The following PGM2 variants were observed in gnomAD, a reference collection of about 807,000 sequenced individuals.
The protein encoded by PGM2 is phosphopentomutase.
In PGM2, 57 loss-of-function variants were observed where a neutral mutation model predicts 74.6. The ratio of observed to expected loss-of-function variants is 0.76; its 90% confidence interval spans 0.62 to 0.95. The LOEUF is 0.95. Ranked by LOEUF, PGM2 falls within the 40% of genes least tolerant of loss-of-function variation. PGM2 has a pLI of 0.00. For synonymous variants in PGM2, 273 were observed against 260.7 expected (o/e 1.05, Z -0.46); for missense variants, 706 against 741.9 (o/e 0.95, Z 0.56).
intron 2 of PGM2, among the ~76,000 whole-genome samples, chr4:37,833,856 A>G (rs907369738): frequency 2.6e-5 from 4 of 152,116 alleles, no homozygotes; most frequent in African/African-American, 9.7e-5. Context: ...AAATTAAGGA[A>G]CTTGTCATTT....
intron 6 of PGM2, among the ~76,000 whole-genome samples, chr4:37,843,178 A>G (rs986200033): frequency 3.9e-5 from 6 of 152,160 alleles, no homozygotes; most frequent in Non-Finnish European, 8.8e-5. Context: ...CCCATTTCAA[A>G]TTAGATCAAC....
chr4:37,854,264 A>G (rs1172030268), intron 12 of PGM2, among the ~76,000 whole-genome samples: 1 of 152,160 alleles, frequency 6.6e-6, no homozygotes, highest in East Asian at 1.9e-4. Context: ...ATATAAATAT[A>G]CCATTTCCTC....
intron 2 of PGM2, among the ~76,000 whole-genome samples, chr4:37,831,184 C>T (rs112582278): frequency 0.01 from 890 of 85,940 alleles, 10 homozygotes; most frequent in African/African-American, 0.03. Context: ...CAGAGCAAGA[C>T]TCTGTCTCAA....
intron 10 of PGM2, 128 bp downstream of exon 10, chr4:37,847,423 A>G: frequency 1.5e-6 from 1 of 651,848 alleles, no homozygotes; most frequent in East Asian, 2.7e-5. Context: ...TGAATGTCGA[A>G]CTGTCCTACT....
chr4:37,846,527 T>C (rs578071381), intron 8 of PGM2, among the ~76,000 whole-genome samples: 1 of 152,332 alleles, frequency 6.6e-6, no homozygotes, highest in Non-Finnish European at 1.5e-5. Flanking sequence ...AGCTGTCCCC[T>C]CTCAGAATCA....
rs1454846702 is a variant in PGM2 at position 37,839,829 on chromosome 4, G to GT, written c.442-16dup. On this transcript the variant is annotated intron_variant, in intron 4 of 13. Coordinates refer to ENST00000381967, the MANE Select transcript of PGM2 (RefSeq NM_018290.4). ...TTTTCGTTAAAAACTGTTTGTTCTT[G>GT]TTTCCTGCTATGTTACAGCCCTTCA... 1 of 1,450,928 alleles carries GT rather than the reference G, an allele frequency of 6.9e-7. No individual in the cohort carries two copies. The highest frequency in any genetic ancestry group is 2.3e-5 in the East Asian group (1 of 44,096). 89.9% of individuals were successfully genotyped at this position (1,450,928 alleles called of 1,614,324 possible). A position where few individuals can be genotyped will look rare whatever the true frequency, so the allele number is the denominator to read the frequency against.
chr4:37,842,557 TC>T (rs146847946), intron 6 of PGM2, among the ~76,000 whole-genome samples: 79,973 of 129,140 alleles, frequency 0.62, 21,738 homozygotes, highest in Non-Finnish European at 0.67. Flanking sequence ...TTCTTTTTTT[TC>T]TTTTTTGACT....
intron 13 of PGM2, among the ~76,000 whole-genome samples, chr4:37,857,705 A>G (rs1288509298): frequency 6.6e-6 from 1 of 152,212 alleles, no homozygotes; most frequent in Non-Finnish European, 1.5e-5. Flanking sequence ...TATTTTCACT[A>G]TGGATTCCCA....
chr4:37,856,865 T>A (rs1711534039), intron 13 of PGM2, among the ~76,000 whole-genome samples: 1 of 152,180 alleles, frequency 6.6e-6, no homozygotes, highest in Non-Finnish European at 1.5e-5. Context: ...CAATAATGTA[T>A]TTTACTTAAC....
Position 37,861,002 on chromosome 4 carries a change from A to G in PGM2, c.1737-508A>G, listed in dbSNP as rs572369812. On this transcript the variant is annotated intron_variant, in intron 13 of 13. Coordinates refer to ENST00000381967, the MANE Select transcript of PGM2 (RefSeq NM_018290.4). The stretch of plus-strand genomic sequence containing the variant: ...CCTCAAACCCACCCGGAGGCTCCCT[A>G]TTGCTGTTCATTCTAGGAAGGCTTT... 2.2e-4 allele frequency among the ~76,000 whole-genome samples: 33 copies of G among 152,212 alleles called. No individual in the cohort carries two copies. The South Asian group carries it at 5.0e-3, about 23-fold the overall frequency.
chr4:37,850,109 G>C, intron 11 of PGM2, 75 bp from the exon 12 acceptor site: 2 of 820,716 alleles, frequency 2.4e-6, no homozygotes, highest in Non-Finnish European at 3.9e-6. Context: ...AGAATACACT[G>C]GTTGGTACAT....
chr4:37,832,105 A>G (rs959763935), intron 2 of PGM2, among the ~76,000 whole-genome samples: 6 of 152,186 alleles, frequency 3.9e-5, no homozygotes, highest in South Asian at 4.1e-4. Flanking sequence ...ATAGATGATC[A>G]ATATTCTAAA....
chr4:37,860,982 A>G (rs1177327272), intron 13 of PGM2, among the ~76,000 whole-genome samples: 8 of 152,066 alleles, frequency 5.3e-5, no homozygotes, highest in Non-Finnish European at 1.2e-4. Context: ...TGACTCCTCA[A>G]ACCCACCCGG....
chr4:37,851,979 T>TTTTTTTTTTTTTG (rs1560420074), intron 12 of PGM2, among the ~76,000 whole-genome samples: 3 of 149,550 alleles, frequency 2.0e-5, no homozygotes, highest in Non-Finnish European at 3.0e-5. Context: ...TCTTTTTTTT[T>TTTTTTTTTTTTTG]GGAGACAGGG....
At chr4:37,838,177 G>A (rs535770270) in intron 4 of PGM2, among the ~76,000 whole-genome samples, 3 of 152,216 alleles carry the variant, frequency 2.0e-5, no homozygotes, top group East Asian at 1.9e-4. Flanking sequence ...CACCACGCCC[G>A]GCCTTTTCTC....
At chr4:37,861,377 G>T in intron 13 of PGM2, 133 bp from the exon 14 acceptor site, 1 of 612,694 alleles carries the variant, frequency 1.6e-6, no homozygotes. Context: ...AGTCTCTGGA[G>T]TTCTCTTTTT....
chr4:37,849,185 G>GA, intron 11 of PGM2, among the ~76,000 whole-genome samples: 2 of 152,100 alleles, frequency 1.3e-5, no homozygotes, highest in Non-Finnish European at 2.9e-5. Flanking sequence ...ATGACAACAT[G>GA]AAAGAATGTG....
chr4:37,829,505 C>T (rs972239152), intron 1 of PGM2, among the ~76,000 whole-genome samples: 1 of 152,168 alleles, frequency 6.6e-6, no homozygotes. Context: ...AAAAAATGGA[C>T]ATTTAATCAC....
At chr4:37,852,619 T>C (rs1238628136) in intron 12 of PGM2, among the ~76,000 whole-genome samples, 1 of 152,342 alleles carries the variant, frequency 6.6e-6, no homozygotes. Flanking sequence ...TTGAAAGCAT[T>C]GCTCCATTAT....
Sources: gnomAD v4.1 joint callset for allele counts (sites outside exome capture counted in the v4.1 genomes callset) on GRCh38, gnomAD v4.1.1 for gene constraint, MANE v1.5 for transcripts, NCBI Gene and HGNC (gene_info 2026-07-23, HGNC 2026-07-21) for gene names.